Variants in SMURF1 observed in about 807,000 individuals in gnomAD.
The protein encoded by SMURF1 is SMAD specific E3 ubiquitin protein ligase 1, also known as E3 ubiquitin-protein ligase SMURF1.
In SMURF1, 44 loss-of-function variants were observed where a neutral mutation model predicts 98.0. That is an observed-to-expected ratio of 0.45 (90% CI 0.35 to 0.58). The LOEUF (loss-of-function observed/expected upper bound fraction) is 0.58. Among genes scored for constraint, SMURF1 ranks in the 20% least tolerant of loss-of-function variants. The pLI, the probability that SMURF1 is intolerant of heterozygous loss-of-function variation, is 0.00. For missense variants in SMURF1, 687 were observed against 938.4 expected, an observed-to-expected ratio of 0.73 and a Z score of 3.50; for synonymous variants, 396 against 374.9, an observed-to-expected ratio of 1.06 and a Z score of -0.65.
At chr7:99,042,353 C>T in intron 11 of SMURF1, 121 bp from the exon 12 acceptor site, 1 of 625,696 alleles carries the variant, frequency 1.6e-6, no homozygotes, top group Non-Finnish European at 2.8e-6. Context: ...GATCTTGGCT[C>T]ACTGCAACCT....
intron 1 of SMURF1, among the ~76,000 whole-genome samples, chr7:99,143,176 CAG>C (rs1312664147): frequency 1.4e-4 from 8 of 56,262 alleles, no homozygotes; most frequent in Non-Finnish European, 2.3e-4. Context: ...GGGGTGGGGC[CAG>C]AGAGATGGGC....
chr7:99,090,298 T>C (rs961019057), intron 1 of SMURF1, among the ~76,000 whole-genome samples: 8 of 152,096 alleles, frequency 5.3e-5, no homozygotes, highest in African/African-American at 1.9e-4. Context: ...CCTCTACAGA[T>C]TGACCATGAT....
At chr7:99,030,976 C>T (rs1794855411) in intron 17 of SMURF1, 1 of 299,724 alleles carries the variant, frequency 3.3e-6, no homozygotes, top group African/African-American at 2.1e-5. Flanking sequence ...CTGGGAGCCA[C>T]TGTGCCCAAT....
At chr7:99,059,227 G>A (rs1298547608) in intron 3 of SMURF1, among the ~76,000 whole-genome samples, 5 of 150,618 alleles carry the variant, frequency 3.3e-5, no homozygotes, top group Non-Finnish European at 4.4e-5. Context: ...GTGAAACCCC[G>A]TCTCTACTAA....
At chr7:99,132,410 T>C (rs889236689) in intron 1 of SMURF1, among the ~76,000 whole-genome samples, 1 of 152,166 alleles carries the variant, frequency 6.6e-6, no homozygotes, top group Non-Finnish European at 1.5e-5. Context: ...GCAAGGACCC[T>C]AGCTTCACGG....
chr7:99,045,762 A>G lies in SMURF1; in HGVS notation c.1192T>C (p.Leu398=), dbSNP rs1424611533. The change falls in exon 11 of 18, where the codon TTG becomes CTG. Residue 398 remains leucine, a synonymous_variant. Transcript: ENST00000361368. ...AATTTCACCATCAGCCGTTTTTTCA[A>G]GTCTTTCGGTCGCATCTTCATTATC... ...RQIMKMRPKD[L]KKRLMVKFRG... 1.9e-6 allele frequency: 3 copies of G among 1,614,126 alleles called. No homozygotes were observed. Among genetic ancestry groups the G allele is most frequent in the African/African-American group, 1.3e-5 (1 of 74,940 alleles).
intron 17 of SMURF1, chr7:99,030,889 A>G: frequency 2.1e-6 from 1 of 473,084 alleles, no homozygotes. Context: ...TGGTAGAGAC[A>G]GGGTCTCGCT....
intron 1 of SMURF1, among the ~76,000 whole-genome samples, chr7:99,117,469 C>T (rs955699170): frequency 2.0e-5 from 3 of 151,974 alleles, no homozygotes; most frequent in African/African-American, 7.2e-5. Context: ...CTGTCTCAGC[C>T]TCCAGAGTAG....
At chr7:99,096,283 C>T (rs989593072) in intron 1 of SMURF1, among the ~76,000 whole-genome samples, 2 of 152,146 alleles carry the variant, frequency 1.3e-5, no homozygotes, top group African/African-American at 4.8e-5. Flanking sequence ...CCACAACCCG[C>T]AAAAGGCTAG....
intron 1 of SMURF1, among the ~76,000 whole-genome samples, chr7:99,139,506 A>T (rs1314496099): frequency 6.6e-6 from 1 of 152,220 alleles, no homozygotes; most frequent in Non-Finnish European, 1.5e-5. Flanking sequence ...CTTGAAGAGC[A>T]TTGTAGAACC....
At chr7:99,049,383 C>T in intron 9 of SMURF1, 180 bp downstream of exon 9, 2 of 645,196 alleles carry the variant, frequency 3.1e-6, no homozygotes, top group South Asian at 2.0e-5. Flanking sequence ...GGCTTCAGTG[C>T]TCTTCACAGC....
intron 1 of SMURF1, among the ~76,000 whole-genome samples, chr7:99,124,188 G>A (rs73147619): frequency 0.044 from 6,701 of 152,274 alleles, 176 homozygotes; most frequent in Middle Eastern, 0.068. Context: ...TTCAATAATT[G>A]ACAAATAGCT....
chr7:99,136,385 T>C lies in SMURF1; in HGVS notation c.55+7341A>G, dbSNP rs921390174. On this transcript the variant is annotated intron_variant, in intron 1 of 17. Transcript: ENST00000361368. Reference sequence around the variant, plus strand: ...TTTCATTTTCGTATCCATTACAGATTGTTGTTCCTAGTTTGTCTTTGCATG... The same window carrying C: ...TTTCATTTTCGTATCCATTACAGATCGTTGTTCCTAGTTTGTCTTTGCATG... Among the ~76,000 whole-genome samples the C allele has an allele frequency of 2.6e-5, 4 of 152,210 alleles. No individual in the cohort carries two copies. The East Asian group carries it at 7.7e-4, about 29-fold the overall frequency.
At chr7:99,123,828 A>G (rs1239899373) in intron 1 of SMURF1, among the ~76,000 whole-genome samples, 2 of 152,224 alleles carry the variant, frequency 1.3e-5, no homozygotes, top group African/African-American at 2.4e-5. Context: ...GAAGCCAAAT[A>G]TCTTCCCAAA....
intron 1 of SMURF1, among the ~76,000 whole-genome samples, chr7:99,119,690 C>T (rs748187270): frequency 1.3e-5 from 2 of 152,186 alleles, no homozygotes; most frequent in African/African-American, 2.4e-5. Context: ...ACCTGGGCAG[C>T]TTCCTCCTCT....
In SMURF1 at chr7:99,092,539, C is replaced by T. The variant is rs1204609748; in HGVS notation, c.56-30702G>A. 2.0e-5 allele frequency among the ~76,000 whole-genome samples: 3 copies of T among 152,228 alleles called. No homozygotes were observed. In the East Asian group the frequency reaches 5.8e-4, roughly 29 times the overall value. ...CAAACCAGGCAACAACGCGCCTTCT[C>T]GTTTCAGCCTCGTACTGTCAACAAA... On this transcript the variant is annotated intron_variant, in intron 1 of 17. Transcript: ENST00000361368.
intron 1 of SMURF1, among the ~76,000 whole-genome samples, chr7:99,109,468 C>T (rs115696675): frequency 6.6e-6 from 1 of 152,212 alleles, no homozygotes; most frequent in African/African-American, 2.4e-5. Flanking sequence ...CCTCAAACAT[C>T]TGTACAGCAG....
chr7:99,115,775 GACCTATAAC>G (rs1797427081), intron 1 of SMURF1, among the ~76,000 whole-genome samples: 1 of 151,888 alleles, frequency 6.6e-6, no homozygotes, highest in Admixed American at 6.6e-5. Context: ...AAAATGAATA[GACCTATAAC>G]AAACAGATTA....
intron 10 of SMURF1, among the ~76,000 whole-genome samples, chr7:99,046,692 G>A (rs1024447524): frequency 3.4e-4 from 45 of 132,786 alleles, no homozygotes; most frequent in Non-Finnish European, 6.1e-4. Flanking sequence ...AGATCATGCC[G>A]CTGCACTCCA....
Sources: gnomAD v4.1 joint callset for allele counts (sites outside exome capture counted in the v4.1 genomes callset) on GRCh38, gnomAD v4.1.1 for gene constraint, MANE v1.5 for transcripts, NCBI Gene and HGNC (gene_info 2026-07-23, HGNC 2026-07-21) for gene names.